The following EPHB1 variants were observed in gnomAD, a reference collection of about 807,000 sequenced individuals.
EPHB1 encodes ephrin type-B receptor 1.
In EPHB1, 30 loss-of-function variants were observed where a neutral mutation model predicts 94.4. The ratio of observed to expected loss-of-function variants is 0.32; its 90% CI spans 0.24 to 0.43. EPHB1 has a LOEUF of 0.43. EPHB1 is among the 20% of genes least tolerant of loss of function. The pLI, the probability that EPHB1 is intolerant of heterozygous loss-of-function variation, is 1.00. For missense variants in EPHB1, 1,055 were observed against 1,308.3 expected (o/e 0.81, Z 2.99); for synonymous variants, 522 against 489.1 (o/e 1.07, Z -0.89).
At chr3:134,918,028 A>G (rs1007107241) in intron 1 of EPHB1, among the ~76,000 whole-genome samples, 1 of 152,266 alleles carries the variant, frequency 6.6e-6, no homozygotes, top group Non-Finnish European at 1.5e-5. Context: ...GTTTGAACCC[A>G]GATCTTCAGG....
chr3:135,023,306 A>G (rs1363749412), intron 3 of EPHB1, among the ~76,000 whole-genome samples: 7 of 152,234 alleles, frequency 4.6e-5, no homozygotes. Flanking sequence ...CATGGAGTAC[A>G]GCAGTTTTTC....
At chr3:135,141,845 C>T (rs1407556636) in intron 5 of EPHB1, among the ~76,000 whole-genome samples, 2 of 152,194 alleles carry the variant, frequency 1.3e-5, no homozygotes, top group Middle Eastern at 3.2e-3. Flanking sequence ...CATGTTCCCA[C>T]AGGACCACAG....
At chr3:134,884,764 T>G (rs2037828711) in intron 1 of EPHB1, among the ~76,000 whole-genome samples, 2 of 152,362 alleles carry the variant, frequency 1.3e-5, no homozygotes, top group Middle Eastern at 3.4e-3. Context: ...TTTCCTCTGT[T>G]ATGTGGATTG....
chr3:134,988,885 C>T (rs55836007), intron 3 of EPHB1, among the ~76,000 whole-genome samples: 44,277 of 151,990 alleles, frequency 0.29, 6,969 homozygotes, highest in Middle Eastern at 0.47. Context: ...GAGTAGAAGG[C>T]AGAACAGGAG....
intron 4 of EPHB1, among the ~76,000 whole-genome samples, chr3:135,126,820 A>G (rs1490233804): frequency 6.6e-6 from 1 of 152,166 alleles, no homozygotes. Flanking sequence ...GGGCTCCTAC[A>G]TCAGGTTTCC....
At chr3:134,826,411 G>A (rs1046103085) in intron 1 of EPHB1, among the ~76,000 whole-genome samples, 3 of 152,082 alleles carry the variant, frequency 2.0e-5, no homozygotes, top group Non-Finnish European at 4.4e-5. Context: ...CATCATATGG[G>A]GGAAGATACG....
At chr3:134,844,150 T>C (rs899546630) in intron 1 of EPHB1, among the ~76,000 whole-genome samples, 1 of 152,248 alleles carries the variant, frequency 6.6e-6, no homozygotes, top group African/African-American at 2.4e-5. Flanking sequence ...GTTCAGATTT[T>C]AGCTTTAATT....
At chr3:135,190,649 A>G (rs1047319181) in intron 10 of EPHB1, among the ~76,000 whole-genome samples, 5 of 152,194 alleles carry the variant, frequency 3.3e-5, no homozygotes, top group Non-Finnish European at 7.3e-5. Flanking sequence ...AAGTTAAGCT[A>G]TTGTAGTGTT....
intron 3 of EPHB1, among the ~76,000 whole-genome samples, chr3:134,964,676 C>T (rs970299839): frequency 6.6e-6 from 1 of 152,214 alleles, no homozygotes; most frequent in Admixed American, 6.5e-5. Context: ...CTTGTGACTT[C>T]AGGCTTTGCT....
intron 1 of EPHB1, among the ~76,000 whole-genome samples, chr3:134,798,634 C>G (rs2035876750): frequency 6.6e-6 from 1 of 152,210 alleles, no homozygotes; most frequent in Admixed American, 6.5e-5. Flanking sequence ...CTTCTGGACA[C>G]AAAGCCAGGC....
At chr3:134,803,360 G>A (rs2035970037) in intron 1 of EPHB1, among the ~76,000 whole-genome samples, 1 of 152,222 alleles carries the variant, frequency 6.6e-6, no homozygotes, top group Non-Finnish European at 1.5e-5. Context: ...GGGGACAAGC[G>A]AGGGGAGCAG....
At chr3:135,093,994 T>C (rs1395709037) in intron 3 of EPHB1, among the ~76,000 whole-genome samples, 2 of 152,236 alleles carry the variant, frequency 1.3e-5, no homozygotes, top group East Asian at 3.8e-4. Flanking sequence ...TTAGGGCTTT[T>C]AAGCTGTAAT....
intron 8 of EPHB1, 36 bp from the exon 9 acceptor site, chr3:135,166,906 C>A (rs762994347): frequency 1.4e-5 from 23 of 1,610,692 alleles, no homozygotes; most frequent in Non-Finnish European, 1.9e-5. Context: ...GGTGGGTGTG[C>A]CCTGTGGCTG....
intron 3 of EPHB1, among the ~76,000 whole-genome samples, chr3:135,002,648 T>C (rs1355596115): frequency 6.6e-6 from 1 of 152,124 alleles, no homozygotes; most frequent in Non-Finnish European, 1.5e-5. Context: ...CTGTTATTGG[T>C]CTATTCAGAG....
At chr3:135,084,350 C>T (rs1012733529) in intron 3 of EPHB1, among the ~76,000 whole-genome samples, 3 of 152,096 alleles carry the variant, frequency 2.0e-5, no homozygotes, top group African/African-American at 7.2e-5. Flanking sequence ...AGCTCACCCA[C>T]CCGTACAGCC....
intron 1 of EPHB1, among the ~76,000 whole-genome samples, chr3:134,855,346 T>TTC (rs2037088803): frequency 1.3e-5 from 2 of 151,968 alleles, no homozygotes; most frequent in African/African-American, 2.4e-5. Flanking sequence ...TGGACTGGGG[T>TTC]GATGGAACTG....
intron 3 of EPHB1, among the ~76,000 whole-genome samples, chr3:135,086,296 G>A (rs183298124): frequency 6.6e-6 from 1 of 151,610 alleles, no homozygotes; most frequent in African/African-American, 2.4e-5. Context: ...AGAAGAGTGA[G>A]GAATTGGTAG....
At chr3:135,209,113 C>A (rs1290027372) in intron 12 of EPHB1, among the ~76,000 whole-genome samples, 1 of 152,082 alleles carries the variant, frequency 6.6e-6, no homozygotes, top group Non-Finnish European at 1.5e-5. Flanking sequence ...CTATTGAGTC[C>A]ACACTAATAT....
intron 3 of EPHB1, among the ~76,000 whole-genome samples, chr3:135,052,929 GTGTATATATGTGTGTATATA>G (rs1937219225): frequency 1.9e-5 from 2 of 107,748 alleles, no homozygotes; most frequent in African/African-American, 8.8e-5. Flanking sequence ...GTGTGTGTGT[GTGTATATATGTGTGTATATA>G]TATATATGTG....
Sources: gnomAD v4.1 joint callset for allele counts (sites outside exome capture counted in the v4.1 genomes callset) on GRCh38, gnomAD v4.1.1 for gene constraint, MANE v1.5 for transcripts, NCBI Gene and HGNC (gene_info 2026-07-23, HGNC 2026-07-21) for gene names.